Variants in PGM1 observed in about 807,000 individuals in gnomAD.
PGM1 encodes phosphoglucomutase-1.
A neutral mutation model predicts 55.6 loss-of-function variants in PGM1; 52 were observed. The observed-to-expected ratio is 0.94, with a 90% confidence interval of 0.75 to 1.18. The LOEUF (loss-of-function observed/expected upper bound fraction) is 1.18, where lower values mean the gene tolerates loss of function less well. Ranked by LOEUF, PGM1 falls within the 50% of genes most tolerant of loss-of-function variation. The pLI is 0.00. For missense variants in PGM1, 724 were observed against 729.3 expected, an observed-to-expected ratio of 0.99 and a Z score of 0.08; for synonymous variants, 287 against 271.7, an observed-to-expected ratio of 1.06 and a Z score of -0.55.
chr1:63,612,617 A>C (rs544209629), intron 1 of PGM1, among the ~76,000 whole-genome samples: 1 of 152,116 alleles, frequency 6.6e-6, no homozygotes, highest in African/African-American at 2.4e-5. Context: ...GAGTAGCGCC[A>C]TGAAGACCCC....
At chr1:63,600,312 A>C (rs917203094) in intron 1 of PGM1, 1 of 152,224 alleles carries the variant, frequency 6.6e-6, no homozygotes. Context: ...TCTAATGCTC[A>C]TGAAATTTTG....
Position 63,597,629 on chromosome 1 carries a change from A to G in PGM1, c.246+3895A>G, listed in dbSNP as rs573622131. Among the ~76,000 whole-genome samples, 5 of 152,336 alleles carry G rather than the reference A, an allele frequency of 3.3e-5. No homozygotes were observed. The South Asian group carries it at 1.0e-3, about 32-fold the overall frequency. On this transcript the variant is annotated intron_variant, in intron 1 of 10. Transcript: ENST00000371084. ...AACCTTACTTGGATTACTCCAAGTG[A>G]AAAAGGAATTTTATTGGCCCATGTT...
At chr1:63,599,594 G>A (rs1648177218) in intron 1 of PGM1, among the ~76,000 whole-genome samples, 1 of 151,648 alleles carries the variant, frequency 6.6e-6, no homozygotes, top group South Asian at 2.1e-4. Flanking sequence ...TTCCAAACCA[G>A]CTTGGACAAC....
intron 10 of PGM1, 132 bp downstream of exon 10, chr1:63,654,598 G>A (rs1649910803): frequency 1.2e-6 from 1 of 823,740 alleles, no homozygotes; most frequent in Non-Finnish European, 2.0e-6. Context: ...TTTCTTCCAT[G>A]TTTCTTTCTC....
At chr1:63,618,820 G>A (rs11208252) in intron 1 of PGM1, among the ~76,000 whole-genome samples, 25,265 of 151,974 alleles carry the variant, frequency 0.17, 2,272 homozygotes, top group East Asian at 0.32. Context: ...CCCTGTTCCC[G>A]ATTCTCAGGT....
At chr1:63,597,872 G>T (rs1648127302) in intron 1 of PGM1, among the ~76,000 whole-genome samples, 1 of 152,082 alleles carries the variant, frequency 6.6e-6, no homozygotes, top group Admixed American at 6.5e-5. Flanking sequence ...GAGCAAGGAG[G>T]GTATTTGTTG....
intron 7 of PGM1, among the ~76,000 whole-genome samples, chr1:63,643,560 A>C (rs1407478928): frequency 1.3e-5 from 2 of 152,176 alleles, no homozygotes; most frequent in Non-Finnish European, 2.9e-5. Context: ...GGTCTGGAGA[A>C]GGCTTTCTGA....
chr1:63,632,739 G>A (rs554686218), intron 4 of PGM1, among the ~76,000 whole-genome samples: 7 of 152,202 alleles, frequency 4.6e-5, no homozygotes, highest in East Asian at 1.9e-4. Flanking sequence ...GGGGTCGGGC[G>A]CGGTGGCTCA....
chr1:63,646,885 C>T (rs1449059166), intron 7 of PGM1, among the ~76,000 whole-genome samples: 2 of 152,014 alleles, frequency 1.3e-5, no homozygotes, highest in Admixed American at 1.3e-4. Flanking sequence ...TATTGAAATT[C>T]TTTTTTCTTA....
intron 7 of PGM1, among the ~76,000 whole-genome samples, chr1:63,647,210 T>A (rs1289699666): frequency 7.1e-6 from 1 of 140,976 alleles, no homozygotes; most frequent in Non-Finnish European, 1.5e-5. Context: ...GCCACTTTAC[T>A]CCAGCCTGGG....
chr1:63,658,198 G>A (rs550617389), intron 10 of PGM1, among the ~76,000 whole-genome samples: 16 of 152,328 alleles, frequency 1.1e-4, no homozygotes, highest in African/African-American at 3.8e-4. Flanking sequence ...TAATGGATCG[G>A]TGGAGATTTA....
intron 1 of PGM1, among the ~76,000 whole-genome samples, chr1:63,623,926 C>A (rs1295152574): frequency 1.3e-5 from 2 of 152,192 alleles, no homozygotes; most frequent in Non-Finnish European, 2.9e-5. Context: ...GAAAATACTT[C>A]AGAAATTACA....
At chr1:63,652,726 G>A (rs1046172211) in intron 9 of PGM1, among the ~76,000 whole-genome samples, 14 of 152,140 alleles carry the variant, frequency 9.2e-5, no homozygotes, top group African/African-American at 3.4e-4. Flanking sequence ...TGGAAGGGCC[G>A]GGCCGTGGGA....
At position 63,593,739 on chromosome 1, in the gene PGM1, G is replaced by A. The variant is rs745944642; in HGVS notation, c.246+5G>A. ...CGCATCGCTGCCGCCAACGGGGTAA[G>A]GGATGCGCGGCCCCGCGCCGCTGTG... On this transcript the variant is annotated splice_donor_5th_base_variant and intron_variant, in intron 1 of 10. Transcript: ENST00000371084. 15 of 1,589,772 alleles carry A rather than the reference G, an allele frequency of 9.4e-6. No homozygotes were observed. The highest frequency in any genetic ancestry group is 2.3e-5 in the East Asian group (1 of 43,832).
intron 1 of PGM1, among the ~76,000 whole-genome samples, chr1:63,595,077 G>C (rs1273759414): frequency 6.6e-6 from 1 of 151,856 alleles, no homozygotes; most frequent in Non-Finnish European, 1.5e-5. Flanking sequence ...TATATTTTAA[G>C]TGAGATTTGA....
rs371764995 is a variant in PGM1 at position 63,638,806 on chromosome 1, T to A, written c.1144+6T>A. 8.8e-6 allele frequency: 14 copies of A among 1,587,152 alleles called. No homozygotes were observed. Among genetic ancestry groups the A allele is most frequent in the Non-Finnish European group, 1.1e-5 (13 of 1,155,302 alleles). ...GGAGGAGAGCTTCGGGACCGGTAAG[T>A]CACACTCCTGTGCTAGCATTTTCCT... is the stretch of plus-strand genomic sequence containing the variant. On this transcript the variant is annotated splice_donor_region_variant and intron_variant, in intron 7 of 10. Coordinates refer to ENST00000371084, the MANE Select transcript of PGM1 (RefSeq NM_002633.3).
At chr1:63,601,704 G>A (rs1357906203) in intron 1 of PGM1, among the ~76,000 whole-genome samples, 1 of 152,214 alleles carries the variant, frequency 6.6e-6, no homozygotes, top group African/African-American at 2.4e-5. Context: ...GCAGCATAGG[G>A]AGTTGTTTGG....
At chr1:63,625,266 T>G (rs1391790210) in intron 1 of PGM1, among the ~76,000 whole-genome samples, 3 of 152,212 alleles carry the variant, frequency 2.0e-5, no homozygotes, top group African/African-American at 7.2e-5. Flanking sequence ...AAATAATACA[T>G]TTAAGTGATA....
At chr1:63,623,446 C>T (rs369562604) in intron 1 of PGM1, 57 of 1,608,418 alleles carry the variant, frequency 3.5e-5, no homozygotes, top group South Asian at 1.5e-4. Context: ...CTGAGCCAGT[C>T]GGTGGAAGTG....
Sources: gnomAD v4.1 joint callset for allele counts (sites outside exome capture counted in the v4.1 genomes callset) on GRCh38, gnomAD v4.1.1 for gene constraint, MANE v1.5 for transcripts, NCBI Gene and HGNC (gene_info 2026-07-23, HGNC 2026-07-21) for gene names.